The following CENPO variants were observed in gnomAD, a reference collection of about 807,000 sequenced individuals.
The protein encoded by CENPO is centromeric protein O.
Under a neutral mutation model 36.1 loss-of-function variants are expected in CENPO, and 30 were observed. The observed-to-expected ratio is 0.83, with a 90% confidence interval of 0.62 to 1.13. The LOEUF is 1.13. CENPO is among the 50% of genes most tolerant of loss of function. CENPO has a pLI of 0.00. For missense variants in CENPO, 349 were observed against 357.8 expected, an observed-to-expected ratio of 0.98 and a Z score of 0.20; for synonymous variants, 171 against 142.3, an observed-to-expected ratio of 1.20 and a Z score of -1.44.
intron 3 of CENPO, among the ~76,000 whole-genome samples, chr2:24,807,108 T>C (rs1219876949): frequency 2.6e-5 from 4 of 152,182 alleles, no homozygotes; most frequent in Admixed American, 1.3e-4. Context: ...CCATTGGATA[T>C]CAGCCTTCCT....
At chr2:24,802,318 T>C (rs545078920) in intron 3 of CENPO, among the ~76,000 whole-genome samples, 7 of 152,244 alleles carry the variant, frequency 4.6e-5, no homozygotes, top group African/African-American at 1.7e-4. Context: ...ATACCCTTTA[T>C]TTCCTTCTCC....
chr2:24,797,146 G>A (rs1328131888), intron 2 of CENPO, among the ~76,000 whole-genome samples: 1 of 152,194 alleles, frequency 6.6e-6, no homozygotes, highest in Non-Finnish European at 1.5e-5. Context: ...TGCAGATGGG[G>A]AAAATGGAAA....
rs781694499 is a variant in CENPO at position 24,799,794 on chromosome 2, A to C, written c.166A>C (p.Arg56=). 3 of 1,613,792 alleles carry C rather than the reference A, an allele frequency of 1.9e-6. No homozygotes were observed. In the African/African-American group the frequency reaches 4.0e-5, roughly 22 times the overall value. Residue 56 remains arginine (R), a synonymous_variant, in exon 3 of 8, where the codon AGG becomes CGG. Coordinates refer to ENST00000380834, the MANE Select transcript of CENPO (RefSeq NM_001322101.2). ...TCTTGGAACCAAGATTCATAAACTA[A>C]GGCGTCTGCGAGATGAGCTGAGGGC... is the stretch of plus-strand genomic sequence containing the variant. The part of the protein sequence containing the change: ...GALGTKIHKL[R]RLRDELRAVV...
At chr2:24,813,179 G>C (rs1666777810) in intron 3 of CENPO, among the ~76,000 whole-genome samples, 1 of 152,158 alleles carries the variant, frequency 6.6e-6, no homozygotes, top group Non-Finnish European at 1.5e-5. Flanking sequence ...CCGGGAGGCG[G>C]AGGTTGCAGT....
Position 24,802,310 on chromosome 2 carries a change from A to G in CENPO, c.216+2466A>G, listed in dbSNP as rs1274801262. Reference sequence around the variant, plus strand: ...TGACTTCCTCTTTTCCTAATTGAATACCCTTTATTTCCTTCTCCTGCCTCA... The same window carrying G: ...TGACTTCCTCTTTTCCTAATTGAATGCCCTTTATTTCCTTCTCCTGCCTCA... On this transcript the variant is annotated intron_variant, in intron 3 of 7. Transcript: ENST00000380834. Among the ~76,000 whole-genome samples the G allele has an allele frequency of 3.7e-4, 56 of 152,030 alleles. 1 individual carries two copies. The highest frequency in any genetic ancestry group is 1.3e-3 in the African/African-American group (54 of 41,436).
chr2:24,799,682 A>C lies in CENPO; in HGVS notation c.54A>C (p.Leu18Phe). The change falls in exon 3 of 8, where the codon TTA becomes TTC. Residue 18 changes from leucine to phenylalanine, a missense_variant. Leu to Phe is a conservative substitution (Grantham distance 22). Transcript: ENST00000380834. ...RPDGESKGGV[L>F]AHLERLETQV... ...TCCTTTTACTCTCCTTAGGTGTTTT[A>C]GCTCACTTGGAAAGGCTAGAGACCC... The C allele has an allele frequency of 6.2e-7, 1 of 1,611,810 alleles. No homozygotes were observed. Among genetic ancestry groups the C allele is most frequent in the Non-Finnish European group, 8.5e-7 (1 of 1,178,760 alleles).
chr2:24,816,787 C>CT lies in CENPO; in HGVS notation c.738dup (p.Pro247SerfsTer3). ...GCTGTATAAGGACCTCACAGCAACTCTTCCCACTGACGTCACCGTGACATG... is the reference window on the plus strand; with the variant it reads ...GCTGTATAAGGACCTCACAGCAACTCTTTCCCACTGACGTCACCGTGACATG... On this transcript the variant is annotated frameshift_variant, in exon 6 of 8. Transcript: ENST00000380834. LOFTEE classifies it high-confidence loss of function. 1 of 1,606,464 alleles carries CT rather than the reference C, an allele frequency of 6.2e-7. No individual in the cohort carries two copies. Among genetic ancestry groups the CT allele is most frequent in the Non-Finnish European group, 8.5e-7 (1 of 1,176,730 alleles).
At position 24,820,022 on chromosome 2, in the gene CENPO, C is replaced by T; in HGVS notation, c.*704C>T. On this transcript the variant is annotated 3_prime_UTR_variant, in exon 8 of 8. Coordinates refer to ENST00000380834, the MANE Select transcript of CENPO (RefSeq NM_001322101.2). ...TATCCCGCCCCTTCAAGAAGAAGGT[C>T]AGCAGCTCCCCCTTCCCCTTCACAA... is the stretch of plus-strand genomic sequence containing the variant. The T allele has an allele frequency of 6.2e-7, 1 of 1,611,854 alleles. No homozygotes were observed. Among genetic ancestry groups the T allele is most frequent in the East Asian group, 2.2e-5 (1 of 44,666 alleles).
intron 3 of CENPO, among the ~76,000 whole-genome samples, 186 bp downstream of exon 3, chr2:24,800,030 A>G (rs1666092205): frequency 6.6e-6 from 1 of 152,232 alleles, no homozygotes; most frequent in African/African-American, 2.4e-5. Context: ...TCATGCCTGT[A>G]ATCCCAGCAC....
Position 24,820,902 on chromosome 2 carries a change from C to T in CENPO, c.*1584C>T. The T allele has an allele frequency of 4.4e-6, 7 of 1,598,418 alleles. No homozygotes were observed. Among genetic ancestry groups the T allele is most frequent in the Non-Finnish European group, 6.0e-6 (7 of 1,171,328 alleles). ...GCCACAGGCCACACCTTGTTATGGG[C>T]CTCAGAAGCCATCTCCTCTCCAGAC... On this transcript the variant is annotated 3_prime_UTR_variant, in exon 8 of 8. Transcript: ENST00000380834.
intron 2 of CENPO, among the ~76,000 whole-genome samples, chr2:24,794,235 G>C (rs977456908): frequency 6.6e-6 from 1 of 152,228 alleles, no homozygotes. Flanking sequence ...GTTCTAGCCA[G>C]GGAGGTCCCT....
At position 24,820,776 on chromosome 2, in the gene CENPO, G is replaced by C. The variant is rs1318927762; in HGVS notation, c.*1458G>C. The stretch of plus-strand genomic sequence containing the variant: ...CTCCATCCTGCTGGCTACATTGACT[G>C]TATTGCCCCAGATGTCGTAGTGTGG... On this transcript the variant is annotated 3_prime_UTR_variant, in exon 8 of 8. Transcript: ENST00000380834. 4.3e-6 allele frequency: 7 copies of C among 1,614,104 alleles called. No homozygotes were observed. Among genetic ancestry groups the C allele is most frequent in the Admixed American group, 3.3e-5 (2 of 60,020 alleles).
rs533356189 is a variant in CENPO at position 24,821,053 on chromosome 2, C to T, written c.*1735C>T. Reference sequence around the variant, plus strand: ...TTGTTAGGTGTCAGCCGCCACCCCCCCCCCATATGCAGATTTACTCGGCAT... The same window carrying T: ...TTGTTAGGTGTCAGCCGCCACCCCCTCCCCATATGCAGATTTACTCGGCAT... On this transcript the variant is annotated 3_prime_UTR_variant, in exon 8 of 8. Transcript: ENST00000380834. 21 of 653,500 alleles carry T rather than the reference C, an allele frequency of 3.2e-5. No individual in the cohort carries two copies. The highest frequency in any genetic ancestry group is 4.7e-5 in the Non-Finnish European group (19 of 400,514). The allele number at this position is 653,500 out of a possible 1,614,324, so 40.5% of individuals were successfully genotyped here.
At position 24,821,056 on chromosome 2, in the gene CENPO, C is replaced by CCG; in HGVS notation, c.*1739_*1740insGC. ...TTAGGTGTCAGCCGCCACCCCCCCC[C>CCG]CATATGCAGATTTACTCGGCATGGT... On this transcript the variant is annotated 3_prime_UTR_variant, in exon 8 of 8. Transcript: ENST00000380834. 1 of 648,316 alleles carries CCG rather than the reference C, an allele frequency of 1.5e-6. No individual in the cohort carries two copies. 40.2% of individuals were successfully genotyped at this position (648,316 alleles called of 1,614,324 possible).
Position 24,819,838 on chromosome 2 carries a change from A to G in CENPO, c.*520A>G, listed in dbSNP as rs928025511. On this transcript the variant is annotated 3_prime_UTR_variant, in exon 8 of 8. Transcript: ENST00000380834. ...GAGGTTTCTAAACCTAAAGTCCATGAGTGTGCACTTCAATCCAGGAAGGTC... is the reference window on the plus strand; with the variant it reads ...GAGGTTTCTAAACCTAAAGTCCATGGGTGTGCACTTCAATCCAGGAAGGTC... 1.8e-5 allele frequency: 24 copies of G among 1,335,930 alleles called. No individual in the cohort carries two copies. In the African/African-American group the frequency reaches 3.5e-4, roughly 20 times the overall value. 82.8% of individuals were successfully genotyped at this position (1,335,930 alleles called of 1,614,324 possible).
intron 3 of CENPO, among the ~76,000 whole-genome samples, chr2:24,809,801 G>A (rs1173114591): frequency 6.6e-6 from 1 of 151,870 alleles, no homozygotes; most frequent in African/African-American, 2.4e-5. Context: ...AATATTCCAT[G>A]TGCATTAAAT....
chr2:24,799,563 A>G, intron 2 of CENPO, 112 bp from the exon 3 acceptor site: 1 of 793,838 alleles, frequency 1.3e-6, no homozygotes, highest in Non-Finnish European at 1.9e-6. Flanking sequence ...AGCTGGCCAC[A>G]AAGTTCTGGT....
chr2:24,804,063 G>C (rs1396198574), intron 3 of CENPO, among the ~76,000 whole-genome samples: 3 of 152,200 alleles, frequency 2.0e-5, no homozygotes, highest in African/African-American at 7.2e-5. Context: ...GTGTTGAATT[G>C]ATCCCTTTAC....
intron 2 of CENPO, among the ~76,000 whole-genome samples, chr2:24,795,824 A>G (rs572372239): frequency 6.6e-6 from 1 of 152,326 alleles, no homozygotes; most frequent in East Asian, 1.9e-4. Flanking sequence ...CACAGTATGA[A>G]TAACTTCCAG....
Sources: gnomAD v4.1 joint callset for allele counts (sites outside exome capture counted in the v4.1 genomes callset) on GRCh38, gnomAD v4.1.1 for gene constraint, MANE v1.5 for transcripts, NCBI Gene and HGNC (gene_info 2026-07-23, HGNC 2026-07-21) for gene names.